HIPK2: variants seen among roughly 807,000 people sequenced by gnomAD.
The protein encoded by HIPK2 is homeodomain-interacting protein kinase 2.
In HIPK2, 27 loss-of-function variants were observed where a neutral mutation model predicts 113.7. The ratio of observed to expected loss-of-function variants is 0.24; its 90% confidence interval spans 0.17 to 0.33. The LOEUF (loss-of-function observed/expected upper bound fraction) is 0.33, where lower values mean the gene tolerates loss of function less well. Ranked by LOEUF, HIPK2 falls within the 10% of genes least tolerant of loss-of-function variation. The pLI, the probability that HIPK2 is intolerant of heterozygous loss-of-function variation, is 1.00. For synonymous variants in HIPK2, 631 were observed against 642.2 expected, an observed-to-expected ratio of 0.98 and a Z score of 0.26; for missense variants, 1,257 against 1,588.0, an observed-to-expected ratio of 0.79 and a Z score of 3.54.
chr7:139,565,619 A>AT lies in HIPK2; in HGVS notation c.*7307dup, dbSNP rs1486645966. ...GCTGGCTGGTTTTCCTGTTTATACA[A>AT]TTGTTGCTATTTCTTTGAGAAGAGT... On this transcript the variant is annotated 3_prime_UTR_variant, in exon 15 of 15. Transcript: ENST00000406875. 6.6e-6 allele frequency: 1 copy of AT among 151,858 alleles called. No homozygotes were observed. The highest frequency in any genetic ancestry group is 1.5e-5 in the Non-Finnish European group (1 of 67,976). The allele number at this position is 151,858 out of a possible 1,614,324, so 9.4% of individuals were successfully genotyped here. A position where few individuals can be genotyped will look rare whatever the true frequency, so the allele number is the denominator to read the frequency against.
At chr7:139,699,930 A>G (rs1794661276) in intron 2 of HIPK2, among the ~76,000 whole-genome samples, 1 of 152,224 alleles carries the variant, frequency 6.6e-6, no homozygotes, top group Admixed American at 6.5e-5. Flanking sequence ...TGTCTGGGGC[A>G]CTGAATCATT....
intron 2 of HIPK2, among the ~76,000 whole-genome samples, chr7:139,646,524 A>AAG (rs1801235060): frequency 8.6e-6 from 1 of 116,848 alleles, no homozygotes; most frequent in Non-Finnish European, 2.1e-5. Context: ...AAAAAAGGAA[A>AAG]GAAAGAAAAG....
intron 2 of HIPK2, among the ~76,000 whole-genome samples, chr7:139,672,441 T>G (rs977292193): frequency 1.3e-5 from 2 of 152,272 alleles, no homozygotes; most frequent in Admixed American, 1.3e-4. Context: ...ACTTAGAACA[T>G]GAAGACTTCA....
At chr7:139,596,663 A>G (rs1320166646) in intron 12 of HIPK2, 54 bp downstream of exon 12, 2 of 1,582,638 alleles carry the variant, frequency 1.3e-6, no homozygotes, top group Non-Finnish European at 1.7e-6. Context: ...AGATCTGCAC[A>G]CAATGCAAAC....
In HIPK2 at chr7:139,701,625, C is replaced by T. The variant is rs916778456; in HGVS notation, c.1103+14307G>A. 6.3e-3 allele frequency among the ~76,000 whole-genome samples: 966 copies of T among 152,352 alleles called. 13 individuals carry two copies. Among genetic ancestry groups the T allele is most frequent in the African/African-American group, 0.021 (862 of 41,570 alleles). ...TCACCGTACAACCAGTGGATACAATCAGCCTTGGTTCTCTCCCCGGGTTTA... is the reference window on the plus strand; with the variant it reads ...TCACCGTACAACCAGTGGATACAATTAGCCTTGGTTCTCTCCCCGGGTTTA... On this transcript the variant is annotated intron_variant, in intron 2 of 14. Coordinates refer to ENST00000406875, the MANE Select transcript of HIPK2 (RefSeq NM_022740.5).
intron 7 of HIPK2, among the ~76,000 whole-genome samples, chr7:139,616,978 C>T (rs1455586252): frequency 1.3e-5 from 2 of 152,208 alleles, no homozygotes; most frequent in African/African-American, 2.4e-5. Context: ...GACTCAAGGA[C>T]AAATGGCACT....
chr7:139,704,277 A>ACC (rs1794822313), intron 2 of HIPK2, among the ~76,000 whole-genome samples: 2 of 89,152 alleles, frequency 2.2e-5, no homozygotes, highest in Non-Finnish European at 4.3e-5. Context: ...CAACATACAC[A>ACC]CCCAACACAC....
At chr7:139,638,656 C>CTTTTTTTTTTTTTTTTTTTTTTTTTTTT (rs1184555180) in intron 2 of HIPK2, among the ~76,000 whole-genome samples, 6 of 130,256 alleles carry the variant, frequency 4.6e-5, no homozygotes, top group African/African-American at 1.8e-4. Context: ...AAATAATTGT[C>CTTTTTTTTTTTTTTTTTTTTTTTTTTTT]TTTTTTTTTT....
rs924489452 is a variant in HIPK2, at chr7:139,572,844, G to T, written c.*83C>A. 12 of 1,013,646 alleles carry T rather than the reference G, an allele frequency of 1.2e-5. No individual in the cohort carries two copies. Among genetic ancestry groups the T allele is most frequent in the Non-Finnish European group, 1.5e-5 (12 of 795,196 alleles). 62.8% of individuals were successfully genotyped at this position (1,013,646 alleles called of 1,614,324 possible). On this transcript the variant is annotated 3_prime_UTR_variant, in exon 15 of 15. Transcript: ENST00000406875. ...TCAGTATAAAAGGCCAGCGCCCACGGTCCCAGGAGCGCCTCCCTCCTTCTC... is the reference window on the plus strand; with the variant it reads ...TCAGTATAAAAGGCCAGCGCCCACGTTCCCAGGAGCGCCTCCCTCCTTCTC...
At chr7:139,675,709 C>T (rs1000744742) in intron 2 of HIPK2, among the ~76,000 whole-genome samples, 6 of 152,092 alleles carry the variant, frequency 3.9e-5, no homozygotes, top group Non-Finnish European at 5.9e-5. Flanking sequence ...AGCATGTGAC[C>T]GATTGGGTGG....
chr7:139,674,871 T>C (rs945177479), intron 2 of HIPK2, among the ~76,000 whole-genome samples: 1 of 152,214 alleles, frequency 6.6e-6, no homozygotes, highest in Non-Finnish European at 1.5e-5. Flanking sequence ...ACATATGGAC[T>C]GGAGGTTCCA....
chr7:139,724,096 C>G (rs1795498738), intron 1 of HIPK2, among the ~76,000 whole-genome samples: 1 of 149,770 alleles, frequency 6.7e-6, no homozygotes, highest in African/African-American at 2.5e-5. Flanking sequence ...AGATTATGCA[C>G]ATAAGACATA....
At chr7:139,596,643 G>C in intron 12 of HIPK2, 74 bp downstream of exon 12, 1 of 1,546,122 alleles carries the variant, frequency 6.5e-7, no homozygotes, top group Non-Finnish European at 8.8e-7. Flanking sequence ...TTTGATGATG[G>C]AAGATGGTCA....
At chr7:139,729,967 C>T (rs891588689) in intron 1 of HIPK2, among the ~76,000 whole-genome samples, 1 of 152,206 alleles carries the variant, frequency 6.6e-6, no homozygotes, top group Admixed American at 6.5e-5. Context: ...TCCTCACTGA[C>T]CACCTCAAGA....
At chr7:139,726,248 G>T (rs1795571180) in intron 1 of HIPK2, among the ~76,000 whole-genome samples, 1 of 152,200 alleles carries the variant, frequency 6.6e-6, no homozygotes, top group Non-Finnish European at 1.5e-5. Context: ...AGGGAGCTTG[G>T]GCAAGTGCTC....
intron 2 of HIPK2, among the ~76,000 whole-genome samples, chr7:139,705,971 G>A (rs530378319): frequency 3.9e-5 from 6 of 152,214 alleles, no homozygotes; most frequent in Non-Finnish European, 7.3e-5. Context: ...AAGTTACAAG[G>A]AACGTGAGCA....
At chr7:139,707,904 C>T (rs903562440) in intron 2 of HIPK2, among the ~76,000 whole-genome samples, 4 of 152,020 alleles carry the variant, frequency 2.6e-5, no homozygotes, top group Admixed American at 2.6e-4. Flanking sequence ...CCAGTCCAGG[C>T]GTTCCCCTCC....
At chr7:139,646,087 C>A (rs146112246) in intron 2 of HIPK2, among the ~76,000 whole-genome samples, 1 of 152,270 alleles carries the variant, frequency 6.6e-6, no homozygotes, top group East Asian at 1.9e-4. Flanking sequence ...TAAGCTGGCT[C>A]TTTACACCTC....
chr7:139,646,705 C>T (rs972580333), intron 2 of HIPK2, among the ~76,000 whole-genome samples: 1 of 152,122 alleles, frequency 6.6e-6, no homozygotes, highest in Non-Finnish European at 1.5e-5. Flanking sequence ...TCGTGAGCCC[C>T]AAACACTACT....
Sources: allele counts gnomAD v4.1 joint callset (sites outside exome capture counted in the v4.1 genomes callset), GRCh38; gene constraint gnomAD v4.1.1; transcripts MANE v1.5; gene names NCBI Gene and HGNC (gene_info 2026-07-23, HGNC 2026-07-21).